The following BAHD1 variants were observed in gnomAD, a reference collection of about 807,000 sequenced individuals.
BAHD1 encodes bromo adjacent homology domain-containing 1 protein.
BAHD1 carries 20 observed loss-of-function variants against 63.1 expected under a neutral mutation model. That is an observed-to-expected ratio of 0.32 (90% CI 0.22 to 0.46). The LOEUF is 0.46. Among genes scored for constraint, BAHD1 ranks in the 20% least tolerant of loss-of-function variants. The pLI is 1.00. For synonymous variants in BAHD1, 408 were observed against 426.8 expected, an observed-to-expected ratio of 0.96 and a Z score of 0.54; for missense variants, 939 against 1,071.8, an observed-to-expected ratio of 0.88 and a Z score of 1.73.
intron 2 of BAHD1, 40 bp from the exon 3 acceptor site, chr15:40,461,872 C>T (rs1595862108): frequency 6.5e-7 from 1 of 1,530,426 alleles, no homozygotes; most frequent in Non-Finnish European, 8.8e-7. Context: ...TGATGGGGGT[C>T]ACTGCTTGTC....
At chr15:40,451,506 G>A (rs1350700525) in intron 1 of BAHD1, among the ~76,000 whole-genome samples, 1 of 152,254 alleles carries the variant, frequency 6.6e-6, no homozygotes, top group African/African-American at 2.4e-5. Context: ...AAATGAGCTT[G>A]TATTGAGAAC....
Position 40,458,707 on chromosome 15 carries a change from C to T in BAHD1, c.243C>T (p.Ala81=), listed in dbSNP as rs565157473. 21 of 1,613,646 alleles carry T rather than the reference C, an allele frequency of 1.3e-5. No homozygotes were observed. Among genetic ancestry groups the T allele is most frequent in the Middle Eastern group, 1.6e-4 (1 of 6,084 alleles). ...TGCTGACTCGCCTGGAGAATGTGGC[C>T]GGTCCCCGGAGTGCAGATGAGGCTG... ...KVLLTRLENV[A]GPRSADEADE... The change falls in exon 2 of 7, where the codon GCC becomes GCT. Residue 81 remains alanine (A), a synonymous_variant. Transcript: ENST00000416165. The surrounding 1 kb of genome is among the most constrained non-coding windows in gnomAD (Gnocchi z 4.7).
intron 1 of BAHD1, among the ~76,000 whole-genome samples, chr15:40,451,067 C>G (rs1893684864): frequency 6.7e-6 from 1 of 148,380 alleles, no homozygotes; most frequent in Non-Finnish European, 1.5e-5. Flanking sequence ...TCACTTGAAC[C>G]CAGGAGGCGG....
At chr15:40,461,469 C>T (rs1429759857) in intron 2 of BAHD1, among the ~76,000 whole-genome samples, 1 of 152,112 alleles carries the variant, frequency 6.6e-6, no homozygotes, top group African/African-American at 2.4e-5. Flanking sequence ...GAAACCCTAT[C>T]TCTACTAAAC....
At chr15:40,452,671 G>T (rs1282397818) in intron 1 of BAHD1, among the ~76,000 whole-genome samples, 5 of 152,150 alleles carry the variant, frequency 3.3e-5, no homozygotes, top group Non-Finnish European at 7.3e-5. Flanking sequence ...AGCACCCCGT[G>T]CTCCCCTGGG....
At position 40,468,192 on chromosome 15, in the gene BAHD1, T is replaced by C. The variant is rs1894269321; in HGVS notation, c.*2062T>C. 2 of 152,626 alleles carry C rather than the reference T, an allele frequency of 1.3e-5. No individual in the cohort carries two copies. Among genetic ancestry groups the C allele is most frequent in the East Asian group, 3.8e-4 (2 of 5,198 alleles). 9.5% of individuals were successfully genotyped at this position (152,626 alleles called of 1,614,324 possible). ...TTGACAGAGATTAGAAGTACTTCTT[T>C]AAGAAAAAAATAAATTTGAGAAATT... On this transcript the variant is annotated 3_prime_UTR_variant, in exon 7 of 7. Transcript: ENST00000416165.
At chr15:40,444,527 T>C (rs930812951) in intron 1 of BAHD1, among the ~76,000 whole-genome samples, 4 of 152,212 alleles carry the variant, frequency 2.6e-5, no homozygotes, top group South Asian at 2.1e-4. Context: ...AATCCATGTT[T>C]TATCTCTTCT....
At position 40,466,050 on chromosome 15, in the gene BAHD1, G is replaced by A; in HGVS notation, c.2263G>A (p.Asp755Asn). The A allele has an allele frequency of 6.2e-7, 1 of 1,614,150 alleles. No homozygotes were observed. Among genetic ancestry groups the A allele is most frequent in the East Asian group, 2.2e-5 (1 of 44,878 alleles). Residue 755 changes from aspartate to asparagine, a missense_variant, in exon 7 of 7, where the codon GAC becomes AAC. Transcript: ENST00000416165. ...CCCACCCCACCGCACAGTGCCAGAG[G>A]ACACGGACCCTGAGCTGGTGTTCCT... Reference protein sequence around the residue: ...STPPHRTVPEDTDPELVFLCR... With the variant: ...STPPHRTVPENTDPELVFLCR...
rs544574325 is a variant in BAHD1 at position 40,444,521 on chromosome 15, C to CAT, written c.-15+3254_-15+3255dup. On this transcript the variant is annotated intron_variant, in intron 1 of 6. Coordinates refer to ENST00000416165, the MANE Select transcript of BAHD1 (RefSeq NM_014952.5). ...CCTTGTTGTTCATGCTAAATGAATCCATGTTTTATCTCTTCTCAAACCGGG... is the reference window on the plus strand; with the variant it reads ...CCTTGTTGTTCATGCTAAATGAATCCATATGTTTTATCTCTTCTCAAACCGGG... Among the ~76,000 whole-genome samples the CAT allele has an allele frequency of 1.4e-3, 211 of 152,242 alleles. 1 individual carries two copies. Among genetic ancestry groups the CAT allele is most frequent in the African/African-American group, 4.8e-3 (198 of 41,532 alleles).
At chr15:40,444,902 C>T (rs1893493809) in intron 1 of BAHD1, among the ~76,000 whole-genome samples, 1 of 152,106 alleles carries the variant, frequency 6.6e-6, no homozygotes, top group Non-Finnish European at 1.5e-5. Flanking sequence ...CATTTCCCTT[C>T]TACGCGGGAA....
chr15:40,456,600 T>C (rs1479052212), intron 1 of BAHD1, among the ~76,000 whole-genome samples: 1 of 152,208 alleles, frequency 6.6e-6, no homozygotes, highest in African/African-American at 2.4e-5. Context: ...TAATGCAGCA[T>C]ATCTCTGGAG....
intron 1 of BAHD1, among the ~76,000 whole-genome samples, chr15:40,445,840 T>A (rs1893526650): frequency 6.6e-6 from 1 of 152,228 alleles, no homozygotes; most frequent in Admixed American, 6.5e-5. Context: ...GCCATTGTGC[T>A]GGGGACTTTG....
At chr15:40,445,630 G>T (rs779882892) in intron 1 of BAHD1, among the ~76,000 whole-genome samples, 2 of 152,216 alleles carry the variant, frequency 1.3e-5, no homozygotes, top group Non-Finnish European at 2.9e-5. Context: ...GCTGCCAGGC[G>T]AAGCTGCCGA....
chr15:40,457,537 C>G (rs1432994705), intron 1 of BAHD1, among the ~76,000 whole-genome samples: 1 of 152,212 alleles, frequency 6.6e-6, no homozygotes, highest in Non-Finnish European at 1.5e-5. Context: ...TTGTGGCAGT[C>G]TTGCTTTATA....
rs777373100 is a variant in BAHD1 at position 40,459,858 on chromosome 15, C to T, written c.1394C>T (p.Thr465Ile). ...CTGTCTGTTACCCACGCTGGCACTA[C>T]CTGTGGCGGCTGCCCATACAAAATG... is the stretch of plus-strand genomic sequence containing the variant. ...LPLSVTHAGT[T>I]CGGCPYKMPF... The change falls in exon 2 of 7, where the codon ACC (threonine) becomes ATC (isoleucine). Residue 465 changes from threonine to isoleucine, a missense_variant. By Grantham distance (89) the Thr-to-Ile change is moderately conservative. This residue lies in a region of BAHD1 where 797 missense variants were observed against 813.3 expected (regional missense o/e 0.98). Coordinates refer to ENST00000416165, the MANE Select transcript of BAHD1 (RefSeq NM_014952.5). 1 of 1,601,190 alleles carries T rather than the reference C, an allele frequency of 6.2e-7. No homozygotes were observed. Among genetic ancestry groups the T allele is most frequent in the Non-Finnish European group, 8.5e-7 (1 of 1,172,224 alleles).
intron 1 of BAHD1, chr15:40,443,282 T>A: frequency 1.0e-6 from 1 of 985,438 alleles, no homozygotes; most frequent in Non-Finnish European, 1.2e-6. Flanking sequence ...CTCCCTGGAA[T>A]GATCTAGACC....
Position 40,467,972 on chromosome 15 carries a change from GA to G in BAHD1, c.*1845del, listed in dbSNP as rs1395241209. On this transcript the variant is annotated 3_prime_UTR_variant, in exon 7 of 7. Coordinates refer to ENST00000416165, the MANE Select transcript of BAHD1 (RefSeq NM_014952.5). ...GGCTGCCCCGAACTTAAATGCTTTT[GA>G]AATCTCTTAGATGTGGAAATATTTT... The G allele has an allele frequency of 6.6e-6, 1 of 152,608 alleles. No individual in the cohort carries two copies. The highest frequency in any genetic ancestry group is 1.5e-5 in the Non-Finnish European group (1 of 68,032). The allele number at this position is 152,608 out of a possible 1,614,324, so 9.5% of individuals were successfully genotyped here.
Position 40,451,145 on chromosome 15 carries a change from CAAAAAAAAAA to C in BAHD1, c.-14-7288_-14-7279del, listed in dbSNP as rs397827665. ...GGCAACAAGAGCATAAACTCCATCTCAAAAAAAAAAAAAAAAAAAAAAAAAAACTTTAGCT... is the reference window on the plus strand; with the variant it reads ...GGCAACAAGAGCATAAACTCCATCTCAAAAAAAAAAAAAAAAACTTTAGCT... On this transcript the variant is annotated intron_variant, in intron 1 of 6. Transcript: ENST00000416165. Among the ~76,000 whole-genome samples, 9 of 30,626 alleles carry C rather than the reference CAAAAAAAAAA, an allele frequency of 2.9e-4. No homozygotes were observed. In the South Asian group the frequency reaches 6.1e-3, roughly 21 times the overall value. 20.1% of individuals were successfully genotyped at this position (30,626 alleles called of 152,430 possible).
intron 3 of BAHD1, 72 bp downstream of exon 3, chr15:40,462,366 G>T (rs1894076172): frequency 1.3e-6 from 2 of 1,524,892 alleles, no homozygotes; most frequent in African/African-American, 2.8e-5. Context: ...AGTGAGGTAG[G>T]TGCTAGAAGC....
Sources: gnomAD v4.1 joint callset for allele counts (sites outside exome capture counted in the v4.1 genomes callset) on GRCh38, gnomAD v4.1.1 for gene constraint, gnomAD v4.1.1 regional missense constraint, Gnocchi (gnomAD v3.1) non-coding constraint, MANE v1.5 for transcripts, NCBI Gene and HGNC (gene_info 2026-07-23, HGNC 2026-07-21) for gene names.